The following SPC25 variants were observed in gnomAD, a reference collection of about 807,000 sequenced individuals.
SPC25 encodes the protein kinetochore protein Spc25.
In SPC25, 22 loss-of-function variants were observed where a neutral mutation model predicts 29.6. The observed-to-expected ratio is 0.74, with a 90% CI of 0.53 to 1.06. The LOEUF (loss-of-function observed/expected upper bound fraction) is 1.06, where lower values mean the gene tolerates loss of function less well. Ranked by LOEUF, SPC25 falls within the 50% of genes least tolerant of loss-of-function variation. SPC25 has a pLI of 0.00. For synonymous variants in SPC25, 91 were observed against 90.4 expected, an observed-to-expected ratio of 1.01 and a Z score of -0.04; for missense variants, 230 against 255.8, an observed-to-expected ratio of 0.90 and a Z score of 0.69.
chr2:168,878,465 C>A (rs509988), intron 3 of SPC25, among the ~76,000 whole-genome samples: 121,948 of 152,186 alleles, frequency 0.8, 49,030 homozygotes, highest in East Asian at 0.91. Context: ...CAAATCTCAT[C>A]ATATATATTT....
intron 4 of SPC25, 26 bp from the exon 5 acceptor site, chr2:168,876,202 A>T: frequency 7.1e-7 from 1 of 1,404,638 alleles, no homozygotes; most frequent in Non-Finnish European, 9.5e-7. Context: ...ACACAATATT[A>T]AATGTTTTAA....
downstream of SPC25, among the ~76,000 whole-genome samples, chr2:168,868,156 T>G (rs528509795): frequency 1.9e-5 from 2 of 106,620 alleles, no homozygotes; most frequent in South Asian, 6.2e-4. Context: ...TTGTAACCAA[T>G]GAGAACAAAG....
chr2:168,882,231 G>A lies in SPC25; in HGVS notation c.200-4847C>T, dbSNP rs79584371. Among the ~76,000 whole-genome samples, 729 of 152,306 alleles carry A rather than the reference G, an allele frequency of 4.8e-3. 9 individuals are homozygous for A. The East Asian group carries it at 0.053, about 11-fold the overall frequency. ...GCCGAAATCCAAAATAAATTCTTTA[G>A]TCTTTTACTACTTTTTTAAAAGAAG... On this transcript the variant is annotated intron_variant, in intron 3 of 6. Transcript: ENST00000282074.
rs1559159299 is a variant in SPC25 at position 168,890,380 on chromosome 2, A to G, written c.-77T>C. On this transcript the variant is annotated 5_prime_UTR_variant, in exon 1 of 7. Coordinates refer to ENST00000282074, the MANE Select transcript of SPC25 (RefSeq NM_020675.4). ...ACCAGATCCGCGCCCACTCTAGCCAACAGCCGGACTCTAGGCTCAGCTCCC... is the reference window on the plus strand; with the variant it reads ...ACCAGATCCGCGCCCACTCTAGCCAGCAGCCGGACTCTAGGCTCAGCTCCC... 8 of 985,314 alleles carry G rather than the reference A, an allele frequency of 8.1e-6. No individual in the cohort carries two copies. Among genetic ancestry groups the G allele is most frequent in the Admixed American group, 6.2e-5 (1 of 16,258 alleles). 61.0% of individuals were successfully genotyped at this position (985,314 alleles called of 1,614,324 possible).
At chr2:168,879,309 CCCTGCGCTACT>C (rs949429519) in intron 3 of SPC25, among the ~76,000 whole-genome samples, 1 of 152,222 alleles carries the variant, frequency 6.6e-6, no homozygotes, top group African/African-American at 2.4e-5. Flanking sequence ...TCTTCTCAAA[CCCTGCGCTACT>C]TTATCAACTA....
At chr2:168,877,527 A>G in intron 3 of SPC25, 143 bp from the exon 4 acceptor site, 1 of 964,040 alleles carries the variant, frequency 1.0e-6, no homozygotes, top group Non-Finnish European at 1.5e-6. Context: ...CAAAATTATA[A>G]AAGACAAAAA....
downstream of SPC25, among the ~76,000 whole-genome samples, chr2:168,867,353 T>C (rs1689883931): frequency 6.6e-6 from 1 of 152,118 alleles, no homozygotes; most frequent in Non-Finnish European, 1.5e-5. Flanking sequence ...CCAGCTAACA[T>C]CATAATGACA....
chr2:168,867,036 A>T (rs981972703), downstream of SPC25, among the ~76,000 whole-genome samples: 16 of 152,134 alleles, frequency 1.1e-4, no homozygotes, highest in Non-Finnish European at 1.6e-4. Context: ...GGGACTGTAA[A>T]CTAGTTCAAC....
chr2:168,889,020 T>C (rs1035684064), intron 3 of SPC25, among the ~76,000 whole-genome samples: 3 of 61,082 alleles, frequency 4.9e-5, no homozygotes, highest in South Asian at 4.9e-4. Flanking sequence ...TGTATATATA[T>C]ACACATATAT....
At position 168,890,408 on chromosome 2, in the gene SPC25, A is replaced by G; in HGVS notation, c.-105T>C. The stretch of plus-strand genomic sequence containing the variant: ...GCCGGACTCTAGGCTCAGCTCCCGC[A>G]GCCCCGCCAACTTTCCGATTTCAAA... On this transcript the variant is annotated 5_prime_UTR_variant, in exon 1 of 7. Coordinates refer to ENST00000282074, the MANE Select transcript of SPC25 (RefSeq NM_020675.4). 1.0e-6 allele frequency: 1 copy of G among 985,476 alleles called. No homozygotes were observed. The highest frequency in any genetic ancestry group is 1.2e-6 in the Non-Finnish European group (1 of 829,974). The allele number at this position is 985,476 out of a possible 1,614,324, so 61.0% of individuals were successfully genotyped here.
chr2:168,878,433 T>C (rs936488455), intron 3 of SPC25, among the ~76,000 whole-genome samples: 3 of 152,216 alleles, frequency 2.0e-5, no homozygotes, highest in South Asian at 2.1e-4. Flanking sequence ...TTTAACATGA[T>C]AGAAACAAAT....
chr2:168,866,445 TC>T (rs1689854442), downstream of SPC25, among the ~76,000 whole-genome samples: 1 of 152,270 alleles, frequency 6.6e-6, no homozygotes, highest in Non-Finnish European at 1.5e-5. Flanking sequence ...TGAAACTGGA[TC>T]CCTTCCTTAC....
At chr2:168,867,263 G>A (rs576398143), downstream of SPC25, among the ~76,000 whole-genome samples, 1 of 152,102 alleles carries the variant, frequency 6.6e-6, no homozygotes, top group Admixed American at 6.6e-5. Context: ...AAGAAAATGT[G>A]GCATACACTG....
At chr2:168,888,407 T>C (rs1423102704) in intron 3 of SPC25, among the ~76,000 whole-genome samples, 1 of 152,016 alleles carries the variant, frequency 6.6e-6, no homozygotes, top group Non-Finnish European at 1.5e-5. Context: ...TACAAAAAAT[T>C]AGCCAGGCGT....
intron 3 of SPC25, among the ~76,000 whole-genome samples, chr2:168,878,916 A>G (rs1201823665): frequency 6.6e-6 from 1 of 152,240 alleles, no homozygotes; most frequent in African/African-American, 2.4e-5. Flanking sequence ...CAAGTCACAC[A>G]AATGTTTTGG....
At chr2:168,880,064 G>GCC (rs1428316294) in intron 3 of SPC25, among the ~76,000 whole-genome samples, 1 of 152,124 alleles carries the variant, frequency 6.6e-6, no homozygotes, top group Non-Finnish European at 1.5e-5. Context: ...ATTCTTAAGG[G>GCC]CCCTAGGATT....
At chr2:168,862,549 TAAG>T in intron 4 of SPC25, among the ~76,000 whole-genome samples, 1 of 152,296 alleles carries the variant, frequency 6.6e-6, no homozygotes, top group South Asian at 2.1e-4. Flanking sequence ...TTAGTGTAAG[TAAG>T]TGCAAATTCT....
chr2:168,862,617 A>C (rs956827601), intron 4 of SPC25, among the ~76,000 whole-genome samples: 2 of 152,226 alleles, frequency 1.3e-5, no homozygotes, highest in Non-Finnish European at 2.9e-5. Flanking sequence ...ACTTCTCAGA[A>C]AAGCTTTTTA....
At chr2:168,878,926 G>T (rs2105828424) in intron 3 of SPC25, among the ~76,000 whole-genome samples, 1 of 152,262 alleles carries the variant, frequency 6.6e-6, no homozygotes, top group Middle Eastern at 3.4e-3. Flanking sequence ...AAATGTTTTG[G>T]TTTCCCAGTA....
Sources: allele counts gnomAD v4.1 joint callset (sites outside exome capture counted in the v4.1 genomes callset), GRCh38; gene constraint gnomAD v4.1.1; transcripts MANE v1.5; gene names NCBI Gene and HGNC (gene_info 2026-07-23, HGNC 2026-07-21).